Variants in ANO1 observed in about 807,000 individuals in gnomAD.
ANO1 encodes the protein anoctamin 1, also known as anoctamin-1.
A neutral mutation model predicts 124.0 loss-of-function variants in ANO1; 59 were observed. The observed-to-expected ratio is 0.48, with a 90% CI of 0.39 to 0.59. The LOEUF (loss-of-function observed/expected upper bound fraction) is 0.59, where lower values mean the gene tolerates loss of function less well. Among genes scored for constraint, ANO1 ranks in the 20% least tolerant of loss-of-function variants. ANO1 has a pLI of 0.00. For synonymous variants in ANO1, 529 were observed against 532.0 expected, an observed-to-expected ratio of 0.99 and a Z score of 0.08; for missense variants, 1,059 against 1,328.0, an observed-to-expected ratio of 0.80 and a Z score of 3.15.
At chr11:70,093,869 A>G (rs2044736109) in intron 2 of ANO1, among the ~76,000 whole-genome samples, 1 of 152,246 alleles carries the variant, frequency 6.6e-6, no homozygotes, top group South Asian at 2.1e-4. Flanking sequence ...CGGGGCTCCG[A>G]GTGCGGGTTC....
At position 70,061,815 on chromosome 11, in the gene ANO1, G is replaced by A. The variant is rs148895347; in HGVS notation, c.59-16727G>A. On this transcript the variant is annotated intron_variant, in intron 1 of 27. Transcript: ENST00000531349. Reference sequence around the variant, plus strand: ...AGTGACTGTGACAGCTAGAGCTTCAGACCGACAACAGAGGAAAAGTCTGAT... The same window carrying A: ...AGTGACTGTGACAGCTAGAGCTTCAAACCGACAACAGAGGAAAAGTCTGAT... 4.6e-5 allele frequency among the ~76,000 whole-genome samples: 7 copies of A among 152,246 alleles called. No individual in the cohort carries two copies. The East Asian group carries it at 1.4e-3, about 29-fold the overall frequency.
chr11:69,984,006 A>G (rs375260716), upstream of ANO1, among the ~76,000 whole-genome samples: 6 of 152,354 alleles, frequency 3.9e-5, no homozygotes, highest in East Asian at 1.2e-3. Flanking sequence ...AAATAGTCCC[A>G]GGACGTATTT....
chr11:69,977,411 G>A, the ANO1 span, among the ~76,000 whole-genome samples: 2 of 152,246 alleles, frequency 1.3e-5, no homozygotes, highest in East Asian at 1.9e-4. Flanking sequence ...TTGCAGCGAG[G>A]GCCTGAGCAC....
chr11:70,109,362 G>A (rs1012614489), intron 6 of ANO1, among the ~76,000 whole-genome samples: 1 of 152,168 alleles, frequency 6.6e-6, no homozygotes, highest in African/African-American at 2.4e-5. Context: ...ACGAACCCTC[G>A]ACAGCTCTGG....
upstream of ANO1, among the ~76,000 whole-genome samples, chr11:70,074,028 T>A (rs10897911): frequency 0.31 from 47,253 of 151,938 alleles, 8,503 homozygotes; most frequent in African/African-American, 0.49. Flanking sequence ...ATCTCAGTTG[T>A]AAATTCTCCA....
intron 16 of ANO1, among the ~76,000 whole-genome samples, chr11:70,160,419 TTG>T (rs1205165081): frequency 2.0e-5 from 3 of 152,134 alleles, no homozygotes; most frequent in African/African-American, 7.2e-5. Flanking sequence ...TGGAACAATC[TTG>T]TCATTGTAGC....
chr11:70,000,658 A>C (rs1309440852), intron 1 of ANO1, among the ~76,000 whole-genome samples: 1 of 150,564 alleles, frequency 6.6e-6, no homozygotes, highest in Non-Finnish European at 1.5e-5. Context: ...ACCCCTGAGC[A>C]GTTACTCAAC....
At position 70,179,109 on chromosome 11, in the gene ANO1, C is replaced by T. The variant is rs115692967; in HGVS notation, c.2351-895C>T. On this transcript the variant is annotated intron_variant, in intron 22 of 25. Coordinates refer to ENST00000355303, the MANE Select transcript of ANO1 (RefSeq NM_018043.7). ...GCAGAAGCGCTATGTACAGCTCTCC[C>T]TGTAGCCTCCTGCACAGGTAGGATG... 9.4e-3 allele frequency among the ~76,000 whole-genome samples: 1,439 copies of T among 152,334 alleles called. 31 individuals carry two copies. Among genetic ancestry groups the T allele is most frequent in the African/African-American group, 0.033 (1,356 of 41,572 alleles).
intron 1 of ANO1, chr11:70,065,403 C>T (rs573069434): frequency 4.6e-5 from 7 of 152,456 alleles, no homozygotes; most frequent in African/African-American, 7.2e-5. Flanking sequence ...ACCCCCAGCT[C>T]GCTGAATCCA....
intron 1 of ANO1, among the ~76,000 whole-genome samples, chr11:70,037,864 G>A (rs1168230651): frequency 2.0e-5 from 3 of 152,190 alleles, no homozygotes; most frequent in African/African-American, 7.2e-5. Flanking sequence ...GGAAACTGAG[G>A]CAGGTAAGAA....
chr11:70,092,430 C>T (rs929619719), intron 2 of ANO1, among the ~76,000 whole-genome samples: 2 of 152,114 alleles, frequency 1.3e-5, no homozygotes, highest in South Asian at 2.1e-4. Context: ...CTGGAGCACG[C>T]GGGTAGCAGC....
chr11:70,040,693 T>C (rs1299938094), intron 1 of ANO1, among the ~76,000 whole-genome samples: 1 of 152,056 alleles, frequency 6.6e-6, no homozygotes, highest in Non-Finnish European at 1.5e-5. Context: ...TAAAATAAAA[T>C]GTGACTATTG....
chr11:69,973,365 T>C, the ANO1 span, among the ~76,000 whole-genome samples: 2 of 152,236 alleles, frequency 1.3e-5, no homozygotes, highest in African/African-American at 4.8e-5. Flanking sequence ...TCCTCAGCAC[T>C]TCGACCTGCG....
intron 1 of ANO1, among the ~76,000 whole-genome samples, chr11:69,997,583 T>C (rs147363939): frequency 7.2e-5 from 11 of 152,250 alleles, no homozygotes; most frequent in African/African-American, 2.6e-4. Flanking sequence ...AGCATTCTCC[T>C]CTGATATGGT....
chr11:69,974,887 TAAAA>T, the ANO1 span, among the ~76,000 whole-genome samples: 7,107 of 127,538 alleles, frequency 0.056, 236 homozygotes, highest in Non-Finnish European at 0.074. Flanking sequence ...CCTCCGTCTC[TAAAA>T]AAAAAAAAAA....
intron 10 of ANO1, among the ~76,000 whole-genome samples, chr11:70,131,449 T>G (rs940390043): frequency 6.6e-6 from 1 of 152,150 alleles, no homozygotes; most frequent in Non-Finnish European, 1.5e-5. Context: ...TGCCTCAGCC[T>G]CCCGAGTAGC....
At chr11:70,160,386 A>T (rs2047997061) in intron 16 of ANO1, among the ~76,000 whole-genome samples, 1 of 151,992 alleles carries the variant, frequency 6.6e-6, no homozygotes, top group Non-Finnish European at 1.5e-5. Context: ...GGGAGCCCAG[A>T]CAGACAGACA....
chr11:70,085,673 G>A, intron 1 of ANO1: 1 of 1,473,694 alleles, frequency 6.8e-7, no homozygotes, highest in Non-Finnish European at 9.0e-7. Context: ...TATGAAAGGT[G>A]GGGCAGCCCC....
intron 9 of ANO1, among the ~76,000 whole-genome samples, chr11:70,125,516 CAAA>C (rs112512145): frequency 2.7e-4 from 23 of 86,786 alleles, no homozygotes; most frequent in African/African-American, 9.0e-4. Flanking sequence ...AACTCTATCT[CAAA>C]AAAAAAAAAA....
Sources: allele counts gnomAD v4.1 joint callset (sites outside exome capture counted in the v4.1 genomes callset), GRCh38; gene constraint gnomAD v4.1.1; transcripts MANE v1.5; gene names NCBI Gene and HGNC (gene_info 2026-07-23, HGNC 2026-07-21).